SLC35F1: variants seen among roughly 807,000 people sequenced by gnomAD.
SLC35F1 encodes the protein solute carrier family 35 member F1, also known as chromosome 6 open reading frame 169.
SLC35F1 carries 14 observed loss-of-function variants against 48.7 expected under a neutral mutation model. The ratio of observed to expected loss-of-function variants is 0.29; its 90% CI spans 0.19 to 0.45. The LOEUF (loss-of-function observed/expected upper bound fraction) is 0.45, where lower values mean the gene tolerates loss of function less well. SLC35F1 is among the 20% of genes least tolerant of loss of function. The pLI is 1.00. For missense variants in SLC35F1, 404 were observed against 500.0 expected (o/e 0.81, Z 1.83); for synonymous variants, 190 against 202.2 (o/e 0.94, Z 0.51).
intron 1 of SLC35F1, among the ~76,000 whole-genome samples, chr6:118,024,455 G>C (rs556373297): frequency 5.3e-4 from 81 of 152,266 alleles, no homozygotes; most frequent in Admixed American, 4.6e-3. Context: ...TGGAAGGATG[G>C]TTGTGAAAAT....
intron 1 of SLC35F1, among the ~76,000 whole-genome samples, chr6:117,930,197 T>G (rs1776082454): frequency 2.0e-5 from 3 of 152,212 alleles, no homozygotes; most frequent in Admixed American, 6.6e-5. Flanking sequence ...TGGCAATTTA[T>G]TGTCTTATGT....
intron 2 of SLC35F1, among the ~76,000 whole-genome samples, chr6:118,190,300 G>A (rs1774714611): frequency 6.6e-6 from 1 of 152,080 alleles, no homozygotes; most frequent in Non-Finnish European, 1.5e-5. Context: ...GTCTGTTCTG[G>A]ACCAGGATCT....
chr6:117,965,060 G>C (rs1776543624), intron 1 of SLC35F1, among the ~76,000 whole-genome samples: 1 of 152,172 alleles, frequency 6.6e-6, no homozygotes, highest in African/African-American at 2.4e-5. Context: ...CTGGTCATCT[G>C]ATAAGTTTCA....
chr6:117,999,184 G>T, intron 1 of SLC35F1: 1 of 1,595,344 alleles, frequency 6.3e-7, no homozygotes, highest in East Asian at 2.2e-5. Context: ...CACGTGCCGA[G>T]GCTATCAAGG....
chr6:118,241,964 T>A (rs1364403101), intron 3 of SLC35F1, among the ~76,000 whole-genome samples: 2 of 152,248 alleles, frequency 1.3e-5, no homozygotes, highest in African/African-American at 4.8e-5. Context: ...TTTGTTTAAC[T>A]ATTTACCTGT....
At chr6:118,224,645 G>T (rs773041691) in intron 2 of SLC35F1, among the ~76,000 whole-genome samples, 2 of 152,140 alleles carry the variant, frequency 1.3e-5, no homozygotes, top group Non-Finnish European at 1.5e-5. Flanking sequence ...TGATTTCTAG[G>T]TATTATTTTG....
chr6:117,980,959 G>T (rs1776768869), intron 1 of SLC35F1, among the ~76,000 whole-genome samples: 1 of 152,092 alleles, frequency 6.6e-6, no homozygotes, highest in East Asian at 1.9e-4. Context: ...TCTGAATTTT[G>T]GGAAAAAAAA....
rs115480965 is a variant in SLC35F1 at position 118,238,565 on chromosome 6, C to T, written c.477+2929C>T. 7.3e-3 allele frequency among the ~76,000 whole-genome samples: 1,114 copies of T among 151,858 alleles called. 13 individuals carry two copies. Among genetic ancestry groups the T allele is most frequent in the African/African-American group, 0.025 (1,045 of 41,432 alleles). The stretch of plus-strand genomic sequence containing the variant: ...TCATCAGGGACTCATTTTTGTTTTT[C>T]GTTTTTCCCATCTTTCCCCTCTACT... On this transcript the variant is annotated intron_variant, in intron 3 of 7. Transcript: ENST00000360388.
chr6:118,308,487 A>G (rs1394321723), intron 7 of SLC35F1, among the ~76,000 whole-genome samples: 1 of 152,176 alleles, frequency 6.6e-6, no homozygotes, highest in Admixed American at 6.5e-5. Flanking sequence ...TGTGCTACAT[A>G]ACCTTGAGAA....
chr6:118,142,573 TG>T (rs1244420276), intron 1 of SLC35F1, among the ~76,000 whole-genome samples: 2 of 150,324 alleles, frequency 1.3e-5, no homozygotes, highest in African/African-American at 2.4e-5. Flanking sequence ...TCATTTTTTT[TG>T]TTAGAATCAT....
chr6:117,959,512 AG>A (rs781258122), intron 1 of SLC35F1, among the ~76,000 whole-genome samples: 4 of 152,168 alleles, frequency 2.6e-5, no homozygotes, highest in Non-Finnish European at 5.9e-5. Flanking sequence ...GTCATATCTG[AG>A]GGAAAGAAAA....
chr6:118,167,720 A>G (rs1327529035), intron 2 of SLC35F1, among the ~76,000 whole-genome samples: 2 of 152,204 alleles, frequency 1.3e-5, no homozygotes, highest in Non-Finnish European at 2.9e-5. Context: ...TGTAGATTTT[A>G]TAGACACTAT....
chr6:118,311,663 C>T (rs554203846), intron 7 of SLC35F1, among the ~76,000 whole-genome samples: 10 of 152,172 alleles, frequency 6.6e-5, no homozygotes, highest in South Asian at 6.2e-4. Context: ...TGGTGGCAGG[C>T]GCCTGTAGTT....
intron 2 of SLC35F1, among the ~76,000 whole-genome samples, chr6:118,207,854 A>G (rs973382449): frequency 6.6e-6 from 1 of 152,188 alleles, no homozygotes; most frequent in African/African-American, 2.4e-5. Flanking sequence ...AAATACCATT[A>G]ACACTTAAAT....
intron 2 of SLC35F1, among the ~76,000 whole-genome samples, chr6:118,205,411 T>C (rs1280683652): frequency 6.6e-6 from 1 of 152,230 alleles, no homozygotes; most frequent in Non-Finnish European, 1.5e-5. Flanking sequence ...TTCTCTAACA[T>C]TGTTGGTCAT....
At chr6:118,154,412 C>T in intron 1 of SLC35F1, 33 bp from the exon 2 acceptor site, 2 of 1,582,740 alleles carry the variant, frequency 1.3e-6, no homozygotes, top group Non-Finnish European at 1.7e-6. Context: ...TTCCTGCTGA[C>T]CTTTGCTGTG....
intron 3 of SLC35F1, among the ~76,000 whole-genome samples, chr6:118,252,849 G>T (rs1200882336): frequency 2.6e-5 from 4 of 152,180 alleles, no homozygotes; most frequent in East Asian, 3.8e-4. Flanking sequence ...TCAAGGGGAA[G>T]TGTGACCCCT....
intron 2 of SLC35F1, among the ~76,000 whole-genome samples, chr6:118,218,584 T>C (rs1210757852): frequency 6.6e-6 from 1 of 152,212 alleles, no homozygotes; most frequent in Non-Finnish European, 1.5e-5. Context: ...TTACCTCCTA[T>C]CTTGACTCCT....
At chr6:118,212,383 A>C (rs1323193696) in intron 2 of SLC35F1, among the ~76,000 whole-genome samples, 1 of 152,180 alleles carries the variant, frequency 6.6e-6, no homozygotes, top group Non-Finnish European at 1.5e-5. Context: ...TAATTATAAA[A>C]ATCTTGATTC....
Sources: gnomAD v4.1 joint callset for allele counts (sites outside exome capture counted in the v4.1 genomes callset) on GRCh38, gnomAD v4.1.1 for gene constraint, MANE v1.5 for transcripts, NCBI Gene and HGNC (gene_info 2026-07-23, HGNC 2026-07-21) for gene names.